NR2F1-AS1: variants seen among roughly 807,000 people sequenced by gnomAD.
NR2F1-AS1 encodes the protein NR2F1 antisense RNA 1.
At chr5:93,549,565 T>G (rs920149532) in intron 4 of NR2F1-AS1, among the ~76,000 whole-genome samples, 1 of 152,266 alleles carries the variant, frequency 6.6e-6, no homozygotes, top group Non-Finnish European at 1.5e-5. Context: ...ACAATTTTTT[T>G]AATTAGTAAG....
At chr5:93,491,055 G>A (rs958531825) in intron 4 of NR2F1-AS1, among the ~76,000 whole-genome samples, 9 of 149,972 alleles carry the variant, frequency 6.0e-5, no homozygotes, top group South Asian at 2.1e-4. Context: ...TGGTGGTGGC[G>A]GTGGTGGTCG....
intron 1 of NR2F1-AS1, among the ~76,000 whole-genome samples, chr5:93,568,417 G>A (rs1304291576): frequency 6.6e-6 from 1 of 152,182 alleles, no homozygotes; most frequent in Non-Finnish European, 1.5e-5. Flanking sequence ...TGCATTCTAA[G>A]TAGAAGTATA....
At chr5:93,436,858 A>G (rs1033792346) in intron 4 of NR2F1-AS1, among the ~76,000 whole-genome samples, 1 of 152,100 alleles carries the variant, frequency 6.6e-6, no homozygotes, top group African/African-American at 2.4e-5. Context: ...TGGTCCACTT[A>G]GTGAAATCCT....
intron 4 of NR2F1-AS1, among the ~76,000 whole-genome samples, chr5:93,436,172 A>G (rs1304477552): frequency 1.3e-5 from 2 of 152,210 alleles, no homozygotes; most frequent in Non-Finnish European, 2.9e-5. Context: ...AACACTCACC[A>G]TTTGCTTTTC....
intron 4 of NR2F1-AS1, among the ~76,000 whole-genome samples, chr5:93,520,970 C>T (rs1390499928): frequency 2.0e-5 from 3 of 152,090 alleles, no homozygotes; most frequent in Admixed American, 1.3e-4. Flanking sequence ...CCTAAACACC[C>T]ACTAAGAGTC....
chr5:93,494,608 C>T (rs945413101), intron 4 of NR2F1-AS1, among the ~76,000 whole-genome samples: 1 of 152,114 alleles, frequency 6.6e-6, no homozygotes, highest in Non-Finnish European at 1.5e-5. Flanking sequence ...GAGCAAGACT[C>T]CATCTCAAAA....
chr5:93,510,432 C>T (rs1751271675), intron 4 of NR2F1-AS1, among the ~76,000 whole-genome samples: 1 of 152,124 alleles, frequency 6.6e-6, no homozygotes, highest in Admixed American at 6.6e-5. Context: ...CATCTAACTC[C>T]TCCTCCTTGC....
intron 4 of NR2F1-AS1, among the ~76,000 whole-genome samples, chr5:93,506,380 C>T (rs1208027054): frequency 2.0e-5 from 3 of 152,210 alleles, no homozygotes; most frequent in Non-Finnish European, 4.4e-5. Context: ...TGCCTGTTAC[C>T]CATTTCCAAA....
upstream of NR2F1-AS1, chr5:93,584,866 G>C (rs1053936405): frequency 1.9e-5 from 3 of 160,460 alleles, no homozygotes; most frequent in Admixed American, 6.7e-5. Context: ...CCGGTGTCCG[G>C]CTCGGGCTCG....
At chr5:93,521,315 A>T (rs1020484078) in intron 4 of NR2F1-AS1, among the ~76,000 whole-genome samples, 3 of 152,208 alleles carry the variant, frequency 2.0e-5, no homozygotes, top group African/African-American at 7.2e-5. Flanking sequence ...AAGGGCAAGG[A>T]TTTTATGACA....
intron 2 of NR2F1-AS1, among the ~76,000 whole-genome samples, chr5:93,557,252 C>CCATA (rs1424486574): frequency 6.6e-6 from 1 of 151,470 alleles, no homozygotes; most frequent in African/African-American, 2.4e-5. Flanking sequence ...GTGATCTGAC[C>CCATA]CATAATACAA....
chr5:93,585,552 T>G (rs1753214950), upstream of NR2F1-AS1: 1 of 1,355,694 alleles, frequency 7.4e-7, no homozygotes, highest in South Asian at 1.3e-5. Context: ...TCTTTCTTTC[T>G]CGCCCGGGTG....
At chr5:93,546,138 A>T (rs1752079919) in intron 4 of NR2F1-AS1, among the ~76,000 whole-genome samples, 1 of 152,218 alleles carries the variant, frequency 6.6e-6, no homozygotes, top group Admixed American at 6.5e-5. Flanking sequence ...TGAATACAGG[A>T]ATCAGAGAGA....
At chr5:93,454,498 C>T (rs1231813921) in intron 4 of NR2F1-AS1, among the ~76,000 whole-genome samples, 1 of 152,126 alleles carries the variant, frequency 6.6e-6, no homozygotes, top group Non-Finnish European at 1.5e-5. Context: ...AACTTTTGAT[C>T]TAATACTTGG....
At chr5:93,549,745 G>A (rs148054604) in intron 4 of NR2F1-AS1, among the ~76,000 whole-genome samples, 54 of 152,094 alleles carry the variant, frequency 3.6e-4, no homozygotes, top group South Asian at 1.0e-3. Flanking sequence ...ATTAAAGAGC[G>A]CCCATTTTCA....
chr5:93,440,180 G>T (rs187153827), intron 4 of NR2F1-AS1, among the ~76,000 whole-genome samples: 7 of 149,350 alleles, frequency 4.7e-5, no homozygotes, highest in East Asian at 3.9e-4. Flanking sequence ...TCTCTCGCTC[G>T]CTCTCTCTCT....
chr5:93,504,441 C>A (rs926469117), intron 4 of NR2F1-AS1, among the ~76,000 whole-genome samples: 2 of 152,104 alleles, frequency 1.3e-5, no homozygotes, highest in African/African-American at 4.8e-5. Flanking sequence ...AAACAGGTAA[C>A]CCCTATTTTA....
At chr5:93,519,654 G>C (rs901342962) in intron 4 of NR2F1-AS1, among the ~76,000 whole-genome samples, 8 of 151,846 alleles carry the variant, frequency 5.3e-5, no homozygotes, top group African/African-American at 1.9e-4. Context: ...CTTCTATTTA[G>C]ACATGCATGT....
chr5:93,504,671 T>G (rs1025279348), intron 4 of NR2F1-AS1, among the ~76,000 whole-genome samples: 2 of 151,560 alleles, frequency 1.3e-5, no homozygotes, highest in African/African-American at 4.9e-5. Context: ...CAAGAGAAAA[T>G]GAGGAAGAAG....
Sources: allele counts gnomAD v4.1 joint callset (sites outside exome capture counted in the v4.1 genomes callset), GRCh38; gene constraint gnomAD v4.1.1; transcripts MANE v1.5; gene names NCBI Gene and HGNC (gene_info 2026-07-23, HGNC 2026-07-21).